UBXN2A: variants seen among roughly 807,000 people sequenced by gnomAD.
The protein encoded by UBXN2A is UBX domain protein 2A.
A neutral mutation model predicts 28.4 loss-of-function variants in UBXN2A; 28 were observed. The observed-to-expected ratio is 0.99, with a 90% CI of 0.73 to 1.35. The LOEUF is 1.35. UBXN2A is among the 40% of genes most tolerant of loss of function. The probability of loss-of-function intolerance (pLI) is 0.00; values close to 1 mark genes in which losing one functional copy is unlikely to be tolerated. For missense variants in UBXN2A, 253 were observed against 297.9 expected, an observed-to-expected ratio of 0.85 and a Z score of 1.11; for synonymous variants, 97 against 103.6, an observed-to-expected ratio of 0.94 and a Z score of 0.39.
At chr2:23,972,477 G>A (rs994829844) in intron 3 of UBXN2A, among the ~76,000 whole-genome samples, 5 of 150,708 alleles carry the variant, frequency 3.3e-5, no homozygotes, top group African/African-American at 1.2e-4. Flanking sequence ...CTTCCAAGGG[G>A]AAAAAAAAAC....
chr2:23,998,207 A>T (rs914077095), intron 6 of UBXN2A, among the ~76,000 whole-genome samples: 2 of 152,180 alleles, frequency 1.3e-5, no homozygotes, highest in African/African-American at 4.8e-5. Context: ...TTTGGTTGTC[A>T]TCATCATTGA....
chr2:23,992,033 G>A (rs370383371), intron 6 of UBXN2A, among the ~76,000 whole-genome samples: 1 of 152,028 alleles, frequency 6.6e-6, no homozygotes, highest in South Asian at 2.1e-4. Context: ...ATGCAGTGGC[G>A]CAATCTCAGC....
chr2:23,983,280 C>T (rs1475353837), intron 5 of UBXN2A, among the ~76,000 whole-genome samples: 10 of 151,970 alleles, frequency 6.6e-5, no homozygotes, highest in South Asian at 2.1e-4. Flanking sequence ...CCAAGGTGGG[C>T]GGATCACCTG....
chr2:23,965,104 C>T (rs1707108370), intron 2 of UBXN2A, among the ~76,000 whole-genome samples: 1 of 152,240 alleles, frequency 6.6e-6, no homozygotes, highest in South Asian at 2.1e-4. Flanking sequence ...TGGTCTCAAA[C>T]TCCTGGGCTC....
chr2:23,986,938 G>A (rs896175705), intron 6 of UBXN2A, among the ~76,000 whole-genome samples: 9 of 151,662 alleles, frequency 5.9e-5, no homozygotes, highest in South Asian at 2.1e-4. Flanking sequence ...GCTGGGTGTC[G>A]TGGCTCATTC....
At chr2:23,936,569 G>T (rs1445720006), upstream of UBXN2A, among the ~76,000 whole-genome samples, 3 of 151,614 alleles carry the variant, frequency 2.0e-5, no homozygotes, top group Non-Finnish European at 4.4e-5. Flanking sequence ...GAGAAAGAAA[G>T]TAGAATAGAG....
At chr2:23,963,722 G>A (rs1707039146) in intron 2 of UBXN2A, among the ~76,000 whole-genome samples, 1 of 152,122 alleles carries the variant, frequency 6.6e-6, no homozygotes, top group African/African-American at 2.4e-5. Context: ...TAGCTACTAT[G>A]GAAAACAGTA....
intron 1 of UBXN2A, among the ~76,000 whole-genome samples, chr2:23,933,430 C>T (rs539468063): frequency 2.6e-5 from 4 of 152,246 alleles, no homozygotes; most frequent in Admixed American, 6.5e-5. Context: ...CGCTTGAACC[C>T]GGGAGGCAGA....
rs977547300 is a variant in UBXN2A, at chr2:24,000,668, A to G, written c.*801A>G. ...CACTTGAAGCCAGGAGTTTAAAACC[A>G]GAATGATCAACAGAGTGAGACCCCT... On this transcript the variant is annotated 3_prime_UTR_variant, in exon 7 of 7. Coordinates refer to ENST00000309033, the MANE Select transcript of UBXN2A (RefSeq NM_181713.4). The G allele has an allele frequency of 2.0e-5, 3 of 152,234 alleles. No individual in the cohort carries two copies. The highest frequency in any genetic ancestry group is 4.4e-5 in the Non-Finnish European group (3 of 68,058). 9.4% of individuals were successfully genotyped at this position (152,234 alleles called of 1,614,324 possible).
chr2:23,966,006 C>G (rs978559198), intron 2 of UBXN2A, among the ~76,000 whole-genome samples: 4 of 152,124 alleles, frequency 2.6e-5, no homozygotes, highest in Admixed American at 2.0e-4. Flanking sequence ...TAAAGCAGTT[C>G]TTAATGCCTT....
At chr2:23,960,935 G>A (rs7369458) in intron 2 of UBXN2A, among the ~76,000 whole-genome samples, 80,450 of 150,436 alleles carry the variant, frequency 0.53, 22,360 homozygotes, top group East Asian at 0.79. Flanking sequence ...ATGCCTGGCC[G>A]TCTGCTTTCT....
intron 1 of UBXN2A, among the ~76,000 whole-genome samples, chr2:23,957,743 A>G (rs550293602): frequency 6.6e-6 from 1 of 152,294 alleles, no homozygotes; most frequent in East Asian, 1.9e-4. Flanking sequence ...CTGAGGCAGG[A>G]GAATCTCTGG....
intron 2 of UBXN2A, among the ~76,000 whole-genome samples, chr2:23,959,490 G>A (rs1220671204): frequency 4.6e-5 from 7 of 152,004 alleles, no homozygotes; most frequent in East Asian, 3.9e-4. Flanking sequence ...AGACTCCTCC[G>A]TCTCAAAAAA....
intron 3 of UBXN2A, among the ~76,000 whole-genome samples, chr2:23,975,404 T>TA (rs534408395): frequency 4.6e-5 from 7 of 152,010 alleles, no homozygotes; most frequent in Admixed American, 2.0e-4. Flanking sequence ...GTTTGGTTAT[T>TA]AAAAAAAACA....
At chr2:23,953,047 C>G (rs548229551) in intron 1 of UBXN2A, among the ~76,000 whole-genome samples, 12 of 150,992 alleles carry the variant, frequency 7.9e-5, no homozygotes, top group African/African-American at 2.7e-4. Context: ...TGTGGATACA[C>G]ATTGCTTTTC....
chr2:23,949,106 ATTTTTTTTTCTTTTTTTT>A (rs1706234780), intron 1 of UBXN2A, among the ~76,000 whole-genome samples: 1 of 121,858 alleles, frequency 8.2e-6, no homozygotes, highest in Non-Finnish European at 1.8e-5. Context: ...AAGCCTGGCT[ATTTTTTTTTCTTTTTTTT>A]TTTTTTTTTG....
chr2:23,964,974 T>C (rs1424228353), intron 2 of UBXN2A, among the ~76,000 whole-genome samples: 1 of 152,142 alleles, frequency 6.6e-6, no homozygotes, highest in Non-Finnish European at 1.5e-5. Context: ...TAAACCCTCA[T>C]GCCTACAAAA....
intron 6 of UBXN2A, among the ~76,000 whole-genome samples, chr2:23,997,359 G>C (rs1178197682): frequency 1.3e-5 from 2 of 152,032 alleles, no homozygotes; most frequent in Non-Finnish European, 2.9e-5. Flanking sequence ...AGATGTTAAG[G>C]CTGTGATAAA....
chr2:23,982,842 C>T, intron 4 of UBXN2A, 54 bp from the exon 5 acceptor site: 3 of 1,520,412 alleles, frequency 2.0e-6, no homozygotes, highest in Admixed American at 2.2e-5. Flanking sequence ...GAATGTTTTT[C>T]AGAGAAATAA....
Sources: allele counts gnomAD v4.1 joint callset (sites outside exome capture counted in the v4.1 genomes callset), GRCh38; gene constraint gnomAD v4.1.1; transcripts MANE v1.5; gene names NCBI Gene and HGNC (gene_info 2026-07-23, HGNC 2026-07-21).